LRRC57: variants seen among roughly 807,000 people sequenced by gnomAD.
LRRC57 encodes leucine rich repeat containing 57.
In LRRC57, 14 loss-of-function variants were observed where a neutral mutation model predicts 23.1. The observed-to-expected ratio is 0.61, with a 90% CI of 0.40 to 0.95. The LOEUF (loss-of-function observed/expected upper bound fraction) is 0.95. LRRC57 is among the 40% of genes least tolerant of loss of function. LRRC57 has a pLI of 0.00. For missense variants in LRRC57, 236 were observed against 284.4 expected, an observed-to-expected ratio of 0.83 and a Z score of 1.22; for synonymous variants, 106 against 115.2, an observed-to-expected ratio of 0.92 and a Z score of 0.51.
downstream of LRRC57, chr15:42,537,676 T>C (rs2057607489): frequency 6.6e-6 from 1 of 152,188 alleles, no homozygotes; most frequent in Non-Finnish European, 1.5e-5. Flanking sequence ...AAGGGAAATG[T>C]GTATATACAC....
chr15:42,533,692 A>AC (rs1436494046), downstream of LRRC57, among the ~76,000 whole-genome samples: 2 of 152,224 alleles, frequency 1.3e-5, no homozygotes, highest in Admixed American at 6.5e-5. Flanking sequence ...AGCTGAAGTG[A>AC]CTGTAAGATC....
the LRRC57 span, chr15:42,529,870 C>G: frequency 6.3e-7 from 1 of 1,581,652 alleles, no homozygotes; most frequent in South Asian, 1.1e-5. Flanking sequence ...TTCAGTGTTT[C>G]AGTAATAGAC....
downstream of LRRC57, among the ~76,000 whole-genome samples, chr15:42,533,933 C>T (rs1191141104): frequency 6.6e-6 from 1 of 152,162 alleles, no homozygotes; most frequent in African/African-American, 2.4e-5. Context: ...ATTTAAAATA[C>T]TTTACCATGG....
At chr15:42,529,605 G>A in the LRRC57 span, 1 of 1,522,354 alleles carries the variant, frequency 6.6e-7, no homozygotes, top group Non-Finnish European at 8.9e-7. Context: ...ACTTACTTTT[G>A]TGAAAAGTAA....
chr15:42,531,541 C>T, the LRRC57 span: 1 of 1,309,578 alleles, frequency 7.6e-7, no homozygotes, highest in Non-Finnish European at 1.1e-6. Flanking sequence ...AAGTTATTAC[C>T]TTTTCAGAGT....
intron 5 of LRRC57, 31 bp downstream of exon 5, chr15:42,545,046 A>C (rs755394072): frequency 3.4e-6 from 5 of 1,485,514 alleles, no homozygotes; most frequent in East Asian, 2.4e-5. Flanking sequence ...TGGGGTAGTG[A>C]CTAGAAATGC....
Position 42,543,732 on chromosome 15 carries a change from G to A in LRRC57, c.*351C>T, listed in dbSNP as rs1260323590. 1.9e-5 allele frequency: 4 copies of A among 213,418 alleles called. No individual in the cohort carries two copies. The allele number at this position is 213,418 out of a possible 1,614,324, so 13.2% of individuals were successfully genotyped here. ...ACAGTGAAACTAAACAAAATCTCAA[G>A]CTGTGGTGTGGAGCTATTCTGTTAC... is the stretch of plus-strand genomic sequence containing the variant. On this transcript the variant is annotated 3_prime_UTR_variant, in exon 6 of 6. Coordinates refer to ENST00000397130, the MANE Select transcript of LRRC57 (RefSeq NM_153260.3).
intron 4 of LRRC57, 95 bp from the exon 5 acceptor site, chr15:42,545,357 C>T: frequency 1.3e-6 from 1 of 785,916 alleles, no homozygotes; most frequent in South Asian, 3.3e-5. Flanking sequence ...CTTTACTTGA[C>T]TATTTGTTCT....
downstream of LRRC57, among the ~76,000 whole-genome samples, chr15:42,533,562 TA>T (rs998465942): frequency 2.6e-5 from 4 of 151,888 alleles, no homozygotes; most frequent in African/African-American, 9.7e-5. Flanking sequence ...CCATTTACCA[TA>T]AAAAAAAATT....
In LRRC57 at chr15:42,541,489, T is replaced by G. The variant is rs2057629066; in HGVS notation, c.*2594A>C. The stretch of plus-strand genomic sequence containing the variant: ...ACTGCGCTCCAGTCTGGAATGAAAT[T>G]CTGTCTCAAAAAAGAAAGTAACATA... On this transcript the variant is annotated 3_prime_UTR_variant, in exon 6 of 6. Transcript: ENST00000397130. 6.6e-6 allele frequency: 1 copy of G among 152,116 alleles called. No homozygotes were observed. The highest frequency in any genetic ancestry group is 1.5e-5 in the Non-Finnish European group (1 of 68,010). The allele number at this position is 152,116 out of a possible 1,614,324, so 9.4% of individuals were successfully genotyped here.
downstream of LRRC57, among the ~76,000 whole-genome samples, chr15:42,537,231 T>TCACACACACACACACACACACACA (rs777117722): frequency 7.6e-6 from 1 of 132,158 alleles, no homozygotes; most frequent in African/African-American, 3.6e-5. Flanking sequence ...TCTCTCTCTC[T>TCACACACACACACACACACACACA]CTCACACACA....
downstream of LRRC57, among the ~76,000 whole-genome samples, chr15:42,537,025 T>C (rs530947170): frequency 3.3e-5 from 5 of 152,324 alleles, no homozygotes; most frequent in Non-Finnish European, 7.3e-5. Context: ...TTCCATTTCA[T>C]GTGTGGATTA....
chr15:42,538,442 G>C lies in LRRC57; in HGVS notation c.*5641C>G, dbSNP rs369053903. ...CAGCCTATTTTTTATTATTTTTTTG[G>C]AGCCACAATCTCACATTGTTGTCCA... On this transcript the variant is annotated 3_prime_UTR_variant, in exon 6 of 6. Transcript: ENST00000397130. The C allele has an allele frequency of 3.0e-4, 45 of 151,930 alleles. No homozygotes were observed. In the East Asian group the frequency reaches 8.1e-3, roughly 27 times the overall value. The allele number at this position is 151,930 out of a possible 1,614,324, so 9.4% of individuals were successfully genotyped here. A position where few individuals can be genotyped will look rare whatever the true frequency, so the allele number is the denominator to read the frequency against.
At chr15:42,547,658 AT>A in intron 3 of LRRC57, 129 bp from the exon 4 acceptor site, 1 of 784,792 alleles carries the variant, frequency 1.3e-6, no homozygotes, top group Non-Finnish European at 2.0e-6. Flanking sequence ...CACATGTGCC[AT>A]TTTTAGATAT....
downstream of LRRC57, among the ~76,000 whole-genome samples, chr15:42,537,036 T>A (rs1370381265): frequency 6.6e-6 from 1 of 152,190 alleles, no homozygotes; most frequent in East Asian, 1.9e-4. Context: ...GTGTGGATTA[T>A]GAGTCTGTCC....
chr15:42,544,016 A>C lies in LRRC57; in HGVS notation c.*67T>G. 7.4e-7 allele frequency: 1 copy of C among 1,351,436 alleles called. No homozygotes were observed. Among genetic ancestry groups the C allele is most frequent in the Admixed American group, 1.8e-5 (1 of 54,708 alleles). The allele number at this position is 1,351,436 out of a possible 1,614,324, so 83.7% of individuals were successfully genotyped here. On this transcript the variant is annotated 3_prime_UTR_variant, in exon 6 of 6. Transcript: ENST00000397130. ...CCCCTAACAACAACAGGAGGCTTTG[A>C]CTCAGCCACATTCCAACAGAGGTTC... is the stretch of plus-strand genomic sequence containing the variant.
chr15:42,535,245 C>T (rs575225276), downstream of LRRC57, among the ~76,000 whole-genome samples: 5 of 152,186 alleles, frequency 3.3e-5, no homozygotes, highest in Non-Finnish European at 7.4e-5. Context: ...ACAGCTTCTT[C>T]CCTTAAACCT....
chr15:42,543,879 T>C lies in LRRC57; in HGVS notation c.*204A>G, dbSNP rs924239294. The C allele has an allele frequency of 6.5e-6, 3 of 458,422 alleles. No individual in the cohort carries two copies. The highest frequency in any genetic ancestry group is 3.4e-5 in the Admixed American group (1 of 29,154). 28.4% of individuals were successfully genotyped at this position (458,422 alleles called of 1,614,324 possible). A position where few individuals can be genotyped will look rare whatever the true frequency, so the allele number is the denominator to read the frequency against. On this transcript the variant is annotated 3_prime_UTR_variant, in exon 6 of 6. Transcript: ENST00000397130. ...ACTCATGACTCAAAACGGAAGACTT[T>C]TCCTGTCTCCTGATCCTTTTTCTTT...
downstream of LRRC57, among the ~76,000 whole-genome samples, chr15:42,535,230 C>T (rs1412997742): frequency 6.6e-6 from 1 of 152,242 alleles, no homozygotes; most frequent in African/African-American, 2.4e-5. Context: ...TTTATGTTAA[C>T]AGATACAGCT....
Sources: gnomAD v4.1 joint callset for allele counts (sites outside exome capture counted in the v4.1 genomes callset) on GRCh38, gnomAD v4.1.1 for gene constraint, MANE v1.5 for transcripts, NCBI Gene and HGNC (gene_info 2026-07-23, HGNC 2026-07-21) for gene names.